The following GPHN variants were observed in gnomAD, a reference collection of about 807,000 sequenced individuals.
GPHN encodes gephyrin.
In GPHN, 17 loss-of-function variants were observed where a neutral mutation model predicts 95.5. The observed-to-expected ratio is 0.18, with a 90% CI of 0.12 to 0.27. The LOEUF is 0.27. Ranked by LOEUF, GPHN falls within the 10% of genes least tolerant of loss-of-function variation. GPHN has a pLI of 1.00. For synonymous variants in GPHN, 320 were observed against 322.5 expected (o/e 0.99, Z 0.08); for missense variants, 660 against 978.1 (o/e 0.67, Z 4.34).
chr14:66,519,511 A>C (rs1046096894), intron 1 of GPHN, among the ~76,000 whole-genome samples: 3 of 152,090 alleles, frequency 2.0e-5, no homozygotes, highest in African/African-American at 7.2e-5. Flanking sequence ...TATAAAATCC[A>C]TATTTTTTTT....
chr14:67,451,226 C>T, the GPHN span, among the ~76,000 whole-genome samples: 2 of 152,186 alleles, frequency 1.3e-5, no homozygotes, highest in African/African-American at 4.8e-5. Context: ...AGGGGCGGGG[C>T]CCTCATGGAG....
At chr14:67,051,889 T>G (rs1219087225) in intron 10 of GPHN, among the ~76,000 whole-genome samples, 1 of 151,944 alleles carries the variant, frequency 6.6e-6, no homozygotes, top group African/African-American at 2.4e-5. Context: ...AAAAATAAAA[T>G]CCTTTTCAGA....
the GPHN span, chr14:67,593,865 G>C: frequency 1.9e-6 from 3 of 1,612,616 alleles, no homozygotes; most frequent in East Asian, 2.2e-5. Flanking sequence ...ATGATTAACA[G>C]AGTCTCCTGA....
the GPHN span, chr14:67,200,349 A>G: frequency 3.1e-6 from 2 of 639,056 alleles, no homozygotes; most frequent in Middle Eastern, 3.9e-4. Flanking sequence ...CCTTCCTCCT[A>G]TTACATCTTC....
chr14:67,151,877 C>T (rs1217679084), intron 18 of GPHN, among the ~76,000 whole-genome samples: 2 of 152,044 alleles, frequency 1.3e-5, no homozygotes, highest in Admixed American at 6.6e-5. Context: ...CTCCTGGCCT[C>T]GAGTGATCCG....
At chr14:66,564,807 G>A (rs1405311973) in intron 1 of GPHN, among the ~76,000 whole-genome samples, 1 of 152,082 alleles carries the variant, frequency 6.6e-6, no homozygotes, top group African/African-American at 2.4e-5. Flanking sequence ...GGTTGTGTGT[G>A]CATGCATATT....
At chr14:67,413,641 C>G in the GPHN span, among the ~76,000 whole-genome samples, 2 of 152,280 alleles carry the variant, frequency 1.3e-5, no homozygotes, top group Admixed American at 1.3e-4. Context: ...TTACATCCCC[C>G]CAACCCCACT....
intron 1 of GPHN, among the ~76,000 whole-genome samples, chr14:66,622,278 G>A (rs2063341300): frequency 1.3e-5 from 2 of 152,132 alleles, no homozygotes; most frequent in South Asian, 4.1e-4. Flanking sequence ...CAGCTGGGAT[G>A]CAGGGCACCA....
intron 2 of GPHN, among the ~76,000 whole-genome samples, chr14:66,711,403 G>GTA (rs2069607493): frequency 6.6e-6 from 1 of 151,944 alleles, no homozygotes; most frequent in Admixed American, 6.6e-5. Context: ...GTATTCCTTT[G>GTA]TATATATATG....
At chr14:66,857,901 G>A (rs1016941554) in intron 4 of GPHN, among the ~76,000 whole-genome samples, 2 of 152,154 alleles carry the variant, frequency 1.3e-5, no homozygotes, top group Non-Finnish European at 2.9e-5. Context: ...TGGACACAGT[G>A]CTGCCCTGTC....
the GPHN span, among the ~76,000 whole-genome samples, chr14:67,701,372 C>T: frequency 6.7e-6 from 1 of 150,234 alleles, no homozygotes; most frequent in African/African-American, 2.4e-5. Context: ...TGATTATAGC[C>T]AACTTAATCA....
chr14:66,576,756 A>C (rs2060919937), intron 1 of GPHN, among the ~76,000 whole-genome samples: 1 of 152,138 alleles, frequency 6.6e-6, no homozygotes, highest in Non-Finnish European at 1.5e-5. Flanking sequence ...CAAGACTATT[A>C]TGATTAAGAG....
chr14:66,887,433 A>G (rs892398883), intron 5 of GPHN, among the ~76,000 whole-genome samples: 3 of 152,092 alleles, frequency 2.0e-5, no homozygotes, highest in Non-Finnish European at 4.4e-5. Context: ...TGAAAATACA[A>G]AAAATTAGCT....
rs550585731 is a variant in GPHN, at chr14:66,758,390, G to T, written c.144-18074G>T. Among the ~76,000 whole-genome samples, 12 of 152,234 alleles carry T rather than the reference G, an allele frequency of 7.9e-5. No individual in the cohort carries two copies. In the East Asian group the frequency reaches 2.3e-3, roughly 29 times the overall value. ...CTGCCATTAGAATAGGAATGAAGAC[G>T]ATCTTAACTGCTTTCTGCTGATAGA... On this transcript the variant is annotated intron_variant, in intron 2 of 22. Transcript: ENST00000478722.
chr14:66,904,342 C>A (rs1266183325), intron 5 of GPHN, among the ~76,000 whole-genome samples: 2 of 152,040 alleles, frequency 1.3e-5, no homozygotes, highest in Admixed American at 6.5e-5. Context: ...GCTGATTGGT[C>A]CATTTTACAG....
At chr14:67,488,198 G>A in the GPHN span, among the ~76,000 whole-genome samples, 1 of 152,254 alleles carries the variant, frequency 6.6e-6, no homozygotes. Flanking sequence ...GTGCTGGTCT[G>A]TGCTGATGCC....
intron 21 of GPHN, among the ~76,000 whole-genome samples, chr14:67,173,351 C>T (rs1242089580): frequency 6.6e-6 from 1 of 152,130 alleles, no homozygotes; most frequent in Non-Finnish European, 1.5e-5. Context: ...AAGGAAGACA[C>T]TAAAAGCCCT....
chr14:66,704,779 C>T (rs117146818), intron 2 of GPHN, among the ~76,000 whole-genome samples: 2,063 of 152,030 alleles, frequency 0.014, 21 homozygotes, highest in Middle Eastern at 0.024. Flanking sequence ...CAAACTAATC[C>T]GAAAGCTAGT....
chr14:67,726,449 G>A, the GPHN span, among the ~76,000 whole-genome samples: 1 of 152,204 alleles, frequency 6.6e-6, no homozygotes, highest in South Asian at 2.1e-4. Flanking sequence ...GCCAGACCTG[G>A]GGTTATGCAG....
Sources: gnomAD v4.1 joint callset for allele counts (sites outside exome capture counted in the v4.1 genomes callset) on GRCh38, gnomAD v4.1.1 for gene constraint, MANE v1.5 for transcripts, NCBI Gene and HGNC (gene_info 2026-07-23, HGNC 2026-07-21) for gene names.